Variants in PCBP3 observed in about 807,000 individuals in gnomAD.
The protein encoded by PCBP3 is poly(rC)-binding protein 3.
A neutral mutation model predicts 52.7 loss-of-function variants in PCBP3; 25 were observed. The observed-to-expected ratio is 0.47, with a 90% confidence interval of 0.35 to 0.66. PCBP3 has a LOEUF of 0.66. Among genes scored for constraint, PCBP3 ranks in the 30% least tolerant of loss-of-function variants. The pLI, the probability that PCBP3 is intolerant of heterozygous loss-of-function variation, is 0.01. For missense variants in PCBP3, 391 were observed against 490.3 expected (o/e 0.80, Z 1.91); for synonymous variants, 162 against 183.0 (o/e 0.89, Z 0.93).
At chr21:45,879,227 T>C (rs563929491) in intron 5 of PCBP3, among the ~76,000 whole-genome samples, 1 of 152,214 alleles carries the variant, frequency 6.6e-6, no homozygotes, top group Admixed American at 6.5e-5. Context: ...TCAAGCGATC[T>C]GCCTACCTCA....
intron 4 of PCBP3, among the ~76,000 whole-genome samples, chr21:45,758,651 T>A (rs2088309292): frequency 1.3e-5 from 2 of 152,188 alleles, no homozygotes; most frequent in South Asian, 4.1e-4. Context: ...TATATATTGA[T>A]CTCGTATCTT....
At chr21:45,807,665 A>G (rs1320514919) in intron 4 of PCBP3, among the ~76,000 whole-genome samples, 2 of 152,176 alleles carry the variant, frequency 1.3e-5, no homozygotes, top group Non-Finnish European at 2.9e-5. Flanking sequence ...GACTTACTTC[A>G]CAGAATTAGA....
rs71324444 is a variant in PCBP3, at chr21:45,778,387, G to T, written c.-126+22935G>T. 9.2e-5 allele frequency among the ~76,000 whole-genome samples: 14 copies of T among 152,164 alleles called. No individual in the cohort carries two copies. In the East Asian group the frequency reaches 1.9e-3, roughly 21 times the overall value. On this transcript the variant is annotated intron_variant, in intron 4 of 17. Coordinates refer to ENST00000681687, the MANE Select transcript of PCBP3 (RefSeq NM_001384156.1). The stretch of plus-strand genomic sequence containing the variant: ...CTATGCTGGTGGTTACCAGTAGGCC[G>T]ATTATTGGGCCTCCATGTGTCTTGC...
At chr21:45,652,598 C>A (rs376405926) in intron 1 of PCBP3, among the ~76,000 whole-genome samples, 64 of 152,148 alleles carry the variant, frequency 4.2e-4, no homozygotes, top group African/African-American at 1.4e-3. Context: ...CGTTCCACCA[C>A]GCCTGGCTAA....
intron 1 of PCBP3, among the ~76,000 whole-genome samples, chr21:45,644,442 G>C (rs531428628): frequency 5.9e-5 from 9 of 152,218 alleles, no homozygotes; most frequent in Non-Finnish European, 1.3e-4. Context: ...TTTGGGGGTG[G>C]TTAGAACGTG....
chr21:45,940,782 C>CGCCAGGCACACTGCACCACCACCCCCCCA (rs2077374744), intron 17 of PCBP3, among the ~76,000 whole-genome samples: 1 of 129,346 alleles, frequency 7.7e-6, no homozygotes, highest in African/African-American at 3.6e-5. Context: ...CCACCAGCCC[C>CGCCAGGCACACTGCACCACCACCCCCCCA]GCCAGGCACA....
At chr21:45,785,301 C>A (rs954078321) in intron 4 of PCBP3, among the ~76,000 whole-genome samples, 36 of 151,234 alleles carry the variant, frequency 2.4e-4, no homozygotes, top group Middle Eastern at 3.2e-3. Context: ...TGGGGGTCAG[C>A]CCCCCGCCCG....
intron 4 of PCBP3, among the ~76,000 whole-genome samples, chr21:45,844,909 CTTTA>C (rs934992288): frequency 1.3e-5 from 2 of 148,914 alleles, no homozygotes; most frequent in African/African-American, 2.5e-5. Flanking sequence ...TATATATATG[CTTTA>C]TTTATATATA....
chr21:45,715,232 A>C (rs1274783468), intron 2 of PCBP3, among the ~76,000 whole-genome samples: 1 of 152,216 alleles, frequency 6.6e-6, no homozygotes, highest in Non-Finnish European at 1.5e-5. Context: ...GAGGGGTATC[A>C]GTGGAGTATA....
chr21:45,767,960 G>GT (rs991136892), intron 4 of PCBP3, among the ~76,000 whole-genome samples: 73 of 152,388 alleles, frequency 4.8e-4, no homozygotes, highest in African/African-American at 1.5e-3. Flanking sequence ...TAGCAGGTTT[G>GT]TTTTTGCTTG....
intron 4 of PCBP3, among the ~76,000 whole-genome samples, chr21:45,841,906 G>A (rs1026660386): frequency 7.9e-5 from 12 of 152,212 alleles, no homozygotes; most frequent in Admixed American, 2.6e-4. Context: ...CCCTGACTCT[G>A]TTGTCTAGAG....
Position 45,689,842 on chromosome 21 carries a change from C to T in PCBP3, c.-200+20890C>T, listed in dbSNP as rs146194209. ...TGTAAGACTTGTATACTGGAAATTT[C>T]AAAACAGTGCTAGGAGAAATGAAAG... is the stretch of plus-strand genomic sequence containing the variant. On this transcript the variant is annotated intron_variant, in intron 2 of 17. Coordinates refer to ENST00000681687, the MANE Select transcript of PCBP3 (RefSeq NM_001384156.1). 1.3e-3 allele frequency among the ~76,000 whole-genome samples: 201 copies of T among 152,134 alleles called. 2 individuals are homozygous for T. Among genetic ancestry groups the T allele is most frequent in the African/African-American group, 4.4e-3 (181 of 41,530 alleles).
intron 2 of PCBP3, among the ~76,000 whole-genome samples, chr21:45,677,768 A>G (rs1391662882): frequency 6.6e-6 from 1 of 152,122 alleles, no homozygotes; most frequent in Non-Finnish European, 1.5e-5. Context: ...TGCTAAATCT[A>G]CTCGGCCTGT....
At position 45,688,228 on chromosome 21, in the gene PCBP3, A is replaced by G. The variant is rs117709804; in HGVS notation, c.-200+19276A>G. 2.8e-4 allele frequency among the ~76,000 whole-genome samples: 43 copies of G among 152,318 alleles called. No individual in the cohort carries two copies. In the East Asian group the frequency reaches 6.6e-3, roughly 23 times the overall value. On this transcript the variant is annotated intron_variant, in intron 2 of 17. Transcript: ENST00000681687. Reference sequence around the variant, plus strand: ...AAGAGTTGAACAACACCAGCAACCAATTTGTTCTACTGAAACTTATAGAAT... The same window carrying G: ...AAGAGTTGAACAACACCAGCAACCAGTTTGTTCTACTGAAACTTATAGAAT...
In PCBP3 at chr21:45,722,882, G is replaced by A. The variant is rs902596907; in HGVS notation, c.-199-12510G>A. On this transcript the variant is annotated intron_variant, in intron 2 of 17. Transcript: ENST00000681687. ...ACAAAAATTAGCTGGGCGTGGTGGCGTTCACCTGTAGTCCCAAGCTGCTTG... is the reference window on the plus strand; with the variant it reads ...ACAAAAATTAGCTGGGCGTGGTGGCATTCACCTGTAGTCCCAAGCTGCTTG... Among the ~76,000 whole-genome samples, 4 of 151,672 alleles carry A rather than the reference G, an allele frequency of 2.6e-5. No individual in the cohort carries two copies. The South Asian group carries it at 6.3e-4, about 24-fold the overall frequency.
chr21:45,823,472 T>C (rs756285724), intron 4 of PCBP3, among the ~76,000 whole-genome samples: 1 of 152,186 alleles, frequency 6.6e-6, no homozygotes. Context: ...GCGTGGACTT[T>C]CCGCTGTGCA....
chr21:45,909,278 A>G, intron 9 of PCBP3, 77 bp from the exon 10 acceptor site: 1 of 1,479,664 alleles, frequency 6.8e-7, no homozygotes, highest in Admixed American at 1.8e-5. Context: ...GTGGGAAGTC[A>G]GGACACACCC....
chr21:45,693,152 T>A (rs1366610244), intron 2 of PCBP3, among the ~76,000 whole-genome samples: 2 of 152,056 alleles, frequency 1.3e-5, no homozygotes, highest in Non-Finnish European at 2.9e-5. Context: ...ATAAAGGGCA[T>A]CTATAAAAAA....
intron 2 of PCBP3, among the ~76,000 whole-genome samples, chr21:45,688,090 T>A (rs546036475): frequency 5.9e-5 from 9 of 152,204 alleles, no homozygotes; most frequent in Non-Finnish European, 1.2e-4. Flanking sequence ...TCCTACTGTG[T>A]ATGTACCCAA....
Sources: allele counts gnomAD v4.1 joint callset (sites outside exome capture counted in the v4.1 genomes callset), GRCh38; gene constraint gnomAD v4.1.1; transcripts MANE v1.5; gene names NCBI Gene and HGNC (gene_info 2026-07-23, HGNC 2026-07-21).